Variants in SCARA5 observed in about 807,000 individuals in gnomAD.
The protein encoded by SCARA5 is scavenger receptor class A, member 5 (putative).
A neutral mutation model predicts 46.3 loss-of-function variants in SCARA5; 45 were observed. The ratio of observed to expected loss-of-function variants is 0.97; its 90% CI spans 0.76 to 1.24. SCARA5 has a LOEUF of 1.24. SCARA5 is among the 50% of genes most tolerant of loss of function. The pLI is 0.00. For missense variants in SCARA5, 680 were observed against 689.0 expected, an observed-to-expected ratio of 0.99 and a Z score of 0.15; for synonymous variants, 333 against 306.5, an observed-to-expected ratio of 1.09 and a Z score of -0.90.
In SCARA5 at chr8:27,881,870, C is replaced by T. The variant is rs112138439; in HGVS notation, c.1154-2104G>A. 8.9e-3 allele frequency among the ~76,000 whole-genome samples: 1,362 copies of T among 152,242 alleles called. 15 individuals are homozygous for T. Among genetic ancestry groups the T allele is most frequent in the Admixed American group, 0.014 (216 of 15,288 alleles). On this transcript the variant is annotated intron_variant, in intron 7 of 8. Coordinates refer to ENST00000354914, the MANE Select transcript of SCARA5 (RefSeq NM_173833.6). ...ACTCAATGAACCTACACTGATGCCT[C>T]GTCATCACCCAGAGTCCACAATTTA...
At chr8:27,989,549 C>A (rs1015321680) in intron 1 of SCARA5, among the ~76,000 whole-genome samples, 1 of 152,198 alleles carries the variant, frequency 6.6e-6, no homozygotes, top group South Asian at 2.1e-4. Context: ...GAGGGCTGGA[C>A]GCCTCTGCTG....
chr8:27,944,417 A>G (rs564943356), intron 3 of SCARA5, among the ~76,000 whole-genome samples: 86 of 152,334 alleles, frequency 5.6e-4, no homozygotes, highest in South Asian at 1.0e-3. Flanking sequence ...AAATGGTTCC[A>G]CAAAAATTAA....
At chr8:27,890,486 C>T (rs1403246821) in intron 7 of SCARA5, among the ~76,000 whole-genome samples, 13 of 152,210 alleles carry the variant, frequency 8.5e-5, no homozygotes, top group Non-Finnish European at 1.9e-4. Context: ...TAACATGACA[C>T]GTGGCTGGCT....
intron 8 of SCARA5, among the ~76,000 whole-genome samples, chr8:27,873,570 C>T (rs1379219979): frequency 6.6e-6 from 1 of 150,768 alleles, no homozygotes; most frequent in East Asian, 2.0e-4. Context: ...CAGAGAACAA[C>T]CCCCTTTAAC....
chr8:27,927,928 G>A (rs1056715233), intron 3 of SCARA5, among the ~76,000 whole-genome samples: 3 of 152,190 alleles, frequency 2.0e-5, no homozygotes, highest in African/African-American at 4.8e-5. Context: ...TTTTATGTGA[G>A]TCTATTTGCA....
At chr8:27,940,285 A>G (rs1025945580) in intron 3 of SCARA5, among the ~76,000 whole-genome samples, 7 of 152,178 alleles carry the variant, frequency 4.6e-5, no homozygotes, top group Admixed American at 3.3e-4. Context: ...CCAGGAATCT[A>G]GGCCTTTATT....
chr8:27,936,140 C>A (rs770267258), intron 3 of SCARA5, among the ~76,000 whole-genome samples: 1 of 152,244 alleles, frequency 6.6e-6, no homozygotes, highest in African/African-American at 2.4e-5. Flanking sequence ...ACCAGAGAGA[C>A]TTTCCTTCTC....
At chr8:27,914,834 G>A (rs2727005) in intron 4 of SCARA5, among the ~76,000 whole-genome samples, 78,295 of 151,992 alleles carry the variant, frequency 0.52, 20,770 homozygotes, top group Non-Finnish European at 0.58. Flanking sequence ...CATCTTCCCA[G>A]TGGGACGAAG....
intron 1 of SCARA5, among the ~76,000 whole-genome samples, chr8:27,991,959 G>A (rs1193065827): frequency 1.3e-5 from 2 of 152,180 alleles, no homozygotes; most frequent in Non-Finnish European, 1.5e-5. Flanking sequence ...TGCACCCTGA[G>A]TAGGCTCTTG....
Position 27,940,366 on chromosome 8 carries a change from G to T in SCARA5, c.242-18121C>A, listed in dbSNP as rs150770509. ...TTTCTCACGTCACTGTTCTTTAAAAGGTGGACTCACAGTGCAGTAAGATCG... is the reference window on the plus strand; with the variant it reads ...TTTCTCACGTCACTGTTCTTTAAAATGTGGACTCACAGTGCAGTAAGATCG... On this transcript the variant is annotated intron_variant, in intron 3 of 8. Transcript: ENST00000354914. Among the ~76,000 whole-genome samples the T allele has an allele frequency of 1.4e-3, 210 of 152,222 alleles. 1 individual carries two copies. Among genetic ancestry groups the T allele is most frequent in the African/African-American group, 4.9e-3 (202 of 41,536 alleles).
At chr8:27,943,345 A>T (rs1807981521) in intron 3 of SCARA5, among the ~76,000 whole-genome samples, 2 of 152,098 alleles carry the variant, frequency 1.3e-5, no homozygotes. Context: ...CCGGAGGCTG[A>T]GGTGGGAGGA....
At chr8:27,898,148 G>A (rs1226300598) in intron 7 of SCARA5, among the ~76,000 whole-genome samples, 1 of 152,212 alleles carries the variant, frequency 6.6e-6, no homozygotes, top group Non-Finnish European at 1.5e-5. Flanking sequence ...CTTCTTAAAG[G>A]GGCCAGGCCT....
In SCARA5 at chr8:27,980,622, C is replaced by T. The variant is rs114441069; in HGVS notation, c.112+6882G>A. Among the ~76,000 whole-genome samples the T allele has an allele frequency of 7.9e-3, 1,200 of 152,292 alleles. 17 individuals are homozygous for T. The highest frequency in any genetic ancestry group is 0.023 in the African/African-American group (951 of 41,542). On this transcript the variant is annotated intron_variant, in intron 2 of 8. Transcript: ENST00000354914. ...TGTACCCCCTCCCTCCTCTTCCCAACGCCTCCTGGAAACAGCAGCCTCTAC... is the reference window on the plus strand; with the variant it reads ...TGTACCCCCTCCCTCCTCTTCCCAATGCCTCCTGGAAACAGCAGCCTCTAC...
chr8:27,940,737 C>A lies in SCARA5; in HGVS notation c.242-18492G>T, dbSNP rs1249998937. Reference sequence around the variant, plus strand: ...GCCCATCCACCCACCCACCCATCTGCCCATCCACCCACCCAACCATCTGTC... The same window carrying A: ...GCCCATCCACCCACCCACCCATCTGACCATCCACCCACCCAACCATCTGTC... On this transcript the variant is annotated intron_variant, in intron 3 of 8. Coordinates refer to ENST00000354914, the MANE Select transcript of SCARA5 (RefSeq NM_173833.6). 5.1e-5 allele frequency among the ~76,000 whole-genome samples: 6 copies of A among 117,698 alleles called. No homozygotes were observed. In the Admixed American group the frequency reaches 6.1e-4, roughly 12 times the overall value. 77.2% of individuals were successfully genotyped at this position (117,698 alleles called of 152,430 possible).
chr8:27,922,651 A>C (rs1021493901), intron 3 of SCARA5, among the ~76,000 whole-genome samples: 23 of 152,350 alleles, frequency 1.5e-4, no homozygotes, highest in Non-Finnish European at 2.2e-4. Flanking sequence ...AAGCAGTTGC[A>C]TATCAGCAGT....
chr8:27,910,561 C>T (rs890175638), intron 4 of SCARA5, among the ~76,000 whole-genome samples: 3 of 152,218 alleles, frequency 2.0e-5, no homozygotes, highest in African/African-American at 7.2e-5. Flanking sequence ...TCAACCAGAT[C>T]TGCACATGAG....
Position 27,930,199 on chromosome 8 carries a change from C to A in SCARA5, c.242-7954G>T, listed in dbSNP as rs552616820. On this transcript the variant is annotated intron_variant, in intron 3 of 8. Transcript: ENST00000354914. ...ATTTCCATGTGTTGTGGGAGGCACA[C>A]GGTGCAAGGTAATTGAATCATGGGG... Among the ~76,000 whole-genome samples the A allele has an allele frequency of 2.6e-5, 4 of 152,102 alleles. No individual in the cohort carries two copies. In the East Asian group the frequency reaches 7.7e-4, roughly 29 times the overall value.
rs1056323 is a variant in SCARA5 at position 27,870,490 on chromosome 8, G to T, written c.*1444C>A. On this transcript the variant is annotated 3_prime_UTR_variant, in exon 9 of 9. Transcript: ENST00000354914. ...GTGTTGCTGTTCCTACACCTGGAGG[G>T]GCCCAGGTCTCTCCCCAAGCAGGCC... The T allele has an allele frequency of 0.1, 15,379 of 152,042 alleles. 1,004 individuals are homozygous for T. The highest frequency in any genetic ancestry group is 0.23 in the East Asian group (1,190 of 5,140). 9.4% of individuals were successfully genotyped at this position (152,042 alleles called of 1,614,324 possible).
chr8:27,885,114 T>A (rs995655453), intron 7 of SCARA5, among the ~76,000 whole-genome samples: 1 of 151,482 alleles, frequency 6.6e-6, no homozygotes, highest in Non-Finnish European at 1.5e-5. Context: ...GCAGGCACCA[T>A]CTTGGACAGG....
Sources: gnomAD v4.1 joint callset for allele counts (sites outside exome capture counted in the v4.1 genomes callset) on GRCh38, gnomAD v4.1.1 for gene constraint, MANE v1.5 for transcripts, NCBI Gene and HGNC (gene_info 2026-07-23, HGNC 2026-07-21) for gene names.